The following SLC44A5 variants were observed in gnomAD, a reference collection of about 807,000 sequenced individuals.
The protein encoded by SLC44A5 is solute carrier family 44 member 5, also known as choline transporter-like protein 5.
Under a neutral mutation model 101.8 loss-of-function variants are expected in SLC44A5, and 57 were observed. The observed-to-expected ratio is 0.56, with a 90% confidence interval of 0.45 to 0.70. SLC44A5 has a LOEUF of 0.70. SLC44A5 is among the 30% of genes least tolerant of loss of function. The pLI, the probability that SLC44A5 is intolerant of heterozygous loss-of-function variation, is 0.00. For missense variants in SLC44A5, 737 were observed against 853.1 expected, an observed-to-expected ratio of 0.86 and a Z score of 1.70; for synonymous variants, 281 against 290.9, an observed-to-expected ratio of 0.97 and a Z score of 0.35.
chr1:75,532,251 A>G (rs1302347529), intron 2 of SLC44A5, among the ~76,000 whole-genome samples: 2 of 152,200 alleles, frequency 1.3e-5, no homozygotes, highest in Non-Finnish European at 2.9e-5. Flanking sequence ...AACTAAAAGC[A>G]TACTCTCGGG....
chr1:75,634,456 A>G, the SLC44A5 span, among the ~76,000 whole-genome samples: 1 of 151,720 alleles, frequency 6.6e-6, no homozygotes, highest in Non-Finnish European at 1.5e-5. Context: ...TACTGGTACC[A>G]AAACAGAGAT....
intron 2 of SLC44A5, among the ~76,000 whole-genome samples, chr1:75,517,875 C>G (rs2101887922): frequency 6.6e-6 from 1 of 152,288 alleles, no homozygotes; most frequent in African/African-American, 2.4e-5. Flanking sequence ...GCTTTGGAGG[C>G]CAGAGAGGGC....
chr1:75,365,374 A>C (rs2101134927), intron 3 of SLC44A5, among the ~76,000 whole-genome samples: 1 of 152,248 alleles, frequency 6.6e-6, no homozygotes, highest in East Asian at 1.9e-4. Flanking sequence ...CTATGTGTCT[A>C]AGTGTTCTTA....
chr1:75,398,317 C>G (rs1357266060), intron 2 of SLC44A5: 2 of 936,348 alleles, frequency 2.1e-6, no homozygotes, highest in South Asian at 4.9e-5. Context: ...CTCCAATTTT[C>G]TCCAGCTCCC....
intron 2 of SLC44A5, among the ~76,000 whole-genome samples, chr1:75,467,603 T>C (rs1666892983): frequency 1.3e-5 from 2 of 152,138 alleles, no homozygotes. Context: ...CTTCGATAAA[T>C]GATGCTGGGA....
rs35106661 is a variant in SLC44A5, at chr1:75,210,049, C to CTT, written c.2047+1417_2047+1418dup. On this transcript the variant is annotated intron_variant, in intron 23 of 23. Coordinates refer to ENST00000370859, the MANE Select transcript of SLC44A5 (RefSeq NM_001130058.2). ...AGTGAGGTACTAATATTAAAAAAATCTTTTTTTTTTTCTCAGAGCCAGGAT... is the reference window on the plus strand; with the variant it reads ...AGTGAGGTACTAATATTAAAAAAATCTTTTTTTTTTTTTCTCAGAGCCAGGAT... Among the ~76,000 whole-genome samples the CTT allele has an allele frequency of 9.5e-4, 140 of 147,840 alleles. 1 individual carries two copies. The highest frequency in any genetic ancestry group is 3.6e-3 in the Admixed American group (54 of 14,842).
At chr1:75,661,781 C>A in the SLC44A5 span, among the ~76,000 whole-genome samples, 1 of 152,008 alleles carries the variant, frequency 6.6e-6, no homozygotes, top group Non-Finnish European at 1.5e-5. Flanking sequence ...AAATGCAAAT[C>A]AAAATCACAA....
the SLC44A5 span, among the ~76,000 whole-genome samples, chr1:75,713,150 T>A: frequency 1.3e-5 from 2 of 152,230 alleles, no homozygotes; most frequent in Non-Finnish European, 1.5e-5. Context: ...CTATTACCTC[T>A]GTATTTTTAT....
At chr1:75,636,147 C>A in the SLC44A5 span, among the ~76,000 whole-genome samples, 1 of 151,958 alleles carries the variant, frequency 6.6e-6, no homozygotes, top group Admixed American at 6.6e-5. Flanking sequence ...TTAGCTTCCA[C>A]GTATGAGTGA....
chr1:75,449,904 G>A lies in SLC44A5; in HGVS notation c.14-53283C>T, dbSNP rs949281124. Among the ~76,000 whole-genome samples, 7 of 152,242 alleles carry A rather than the reference G, an allele frequency of 4.6e-5. 1 individual carries two copies. The highest frequency in any genetic ancestry group is 1.7e-4 in the African/African-American group (7 of 41,554). ...TAGTACCAGCTACTCAGGAGGCTGAGGCAGGAGAATCTCTTGAATCAGGGA... is the reference window on the plus strand; with the variant it reads ...TAGTACCAGCTACTCAGGAGGCTGAAGCAGGAGAATCTCTTGAATCAGGGA... On this transcript the variant is annotated intron_variant, in intron 2 of 23. Coordinates refer to ENST00000370859, the MANE Select transcript of SLC44A5 (RefSeq NM_001130058.2).
intron 2 of SLC44A5, among the ~76,000 whole-genome samples, chr1:75,447,746 T>A (rs1279910759): frequency 1.3e-5 from 2 of 152,256 alleles, no homozygotes; most frequent in East Asian, 3.9e-4. Context: ...TCTTTATTAA[T>A]TTTTTGCCTT....
intron 2 of SLC44A5, among the ~76,000 whole-genome samples, chr1:75,489,008 C>T (rs1039325669): frequency 2.6e-5 from 4 of 152,026 alleles, no homozygotes; most frequent in Non-Finnish European, 5.9e-5. Context: ...ACCACCATGC[C>T]TGGCTAATTT....
chr1:75,709,321 A>T, the SLC44A5 span, among the ~76,000 whole-genome samples: 1 of 152,238 alleles, frequency 6.6e-6, no homozygotes, highest in African/African-American at 2.4e-5. Context: ...TTTGAAAAGC[A>T]TATAAGTAGA....
chr1:75,494,307 A>T (rs1057016001), intron 2 of SLC44A5, among the ~76,000 whole-genome samples: 1 of 152,128 alleles, frequency 6.6e-6, no homozygotes, highest in African/African-American at 2.4e-5. Flanking sequence ...CACACAATTG[A>T]CTGAGACATT....
intron 2 of SLC44A5, among the ~76,000 whole-genome samples, chr1:75,424,524 T>C (rs1480664635): frequency 1.3e-5 from 2 of 152,166 alleles, no homozygotes; most frequent in Non-Finnish European, 2.9e-5. Context: ...AGGCTGGTCT[T>C]GAACTCCTGA....
intron 23 of SLC44A5, among the ~76,000 whole-genome samples, chr1:75,210,782 C>T (rs1439359030): frequency 1.3e-5 from 2 of 152,164 alleles, no homozygotes; most frequent in Admixed American, 6.5e-5. Context: ...GTAGTTGACT[C>T]TTCTGTGCTT....
At chr1:75,640,720 T>G in the SLC44A5 span, among the ~76,000 whole-genome samples, 4 of 152,052 alleles carry the variant, frequency 2.6e-5, no homozygotes, top group African/African-American at 9.7e-5. Context: ...TAAAACCAGT[T>G]TTTCATGGAT....
At chr1:75,633,592 G>A in the SLC44A5 span, among the ~76,000 whole-genome samples, 1 of 152,102 alleles carries the variant, frequency 6.6e-6, no homozygotes, top group African/African-American at 2.4e-5. Context: ...CTTTGCTGAA[G>A]TTGCCTATCA....
At chr1:75,254,484 T>C (rs1259470621) in intron 6 of SLC44A5, among the ~76,000 whole-genome samples, 1 of 152,142 alleles carries the variant, frequency 6.6e-6, no homozygotes, top group Non-Finnish European at 1.5e-5. Context: ...AACTACTAGT[T>C]CCAGGTGATG....
Sources: gnomAD v4.1 joint callset for allele counts (sites outside exome capture counted in the v4.1 genomes callset) on GRCh38, gnomAD v4.1.1 for gene constraint, MANE v1.5 for transcripts, NCBI Gene and HGNC (gene_info 2026-07-23, HGNC 2026-07-21) for gene names.